The following ARHGEF12 variants were observed in gnomAD, a reference collection of about 807,000 sequenced individuals.
ARHGEF12 encodes the protein Rho guanine nucleotide exchange factor 12, also known as KMT2A/ARHGEF12 fusion protein.
ARHGEF12 carries 66 observed loss-of-function variants against 211.2 expected under a neutral mutation model. The observed-to-expected ratio is 0.31, with a 90% CI of 0.26 to 0.38. ARHGEF12 has a LOEUF of 0.38. Ranked by LOEUF, ARHGEF12 falls within the 10% of genes least tolerant of loss-of-function variation. The pLI, the probability that ARHGEF12 is intolerant of heterozygous loss-of-function variation, is 1.00. For synonymous variants in ARHGEF12, 592 were observed against 638.4 expected (o/e 0.93, Z 1.09); for missense variants, 1,429 against 1,869.5 (o/e 0.76, Z 4.34).
intron 1 of ARHGEF12, among the ~76,000 whole-genome samples, chr11:120,376,163 C>CT (rs1362040499): frequency 6.6e-6 from 1 of 152,040 alleles, no homozygotes; most frequent in Non-Finnish European, 1.5e-5. Context: ...CTGGTAATTG[C>CT]TTGGGCTTTA....
chr11:120,440,761 T>C (rs972517140), intron 13 of ARHGEF12, among the ~76,000 whole-genome samples: 2 of 152,204 alleles, frequency 1.3e-5, no homozygotes, highest in South Asian at 2.1e-4. Context: ...CAAGACATGC[T>C]TGCCTTATTC....
intron 1 of ARHGEF12, chr11:120,365,902 C>G (rs1195041403): frequency 6.6e-6 from 1 of 152,152 alleles, no homozygotes; most frequent in Non-Finnish European, 1.5e-5. Context: ...AAAAAATAGA[C>G]AGGAAAATGA....
chr11:120,410,906 A>G (rs933356042), intron 4 of ARHGEF12: 5 of 152,136 alleles, frequency 3.3e-5, no homozygotes, highest in African/African-American at 4.8e-5. Context: ...GAACATGAAC[A>G]TTATCTTTAT....
intron 22 of ARHGEF12, 90 bp from the exon 23 acceptor site, chr11:120,457,028 G>A: frequency 8.0e-7 from 1 of 1,247,180 alleles, no homozygotes; most frequent in Non-Finnish European, 1.1e-6. Flanking sequence ...TATGGATTAG[G>A]CTGAAGCTGT....
chr11:120,366,781 G>A (rs532750378), intron 1 of ARHGEF12, among the ~76,000 whole-genome samples: 9 of 152,284 alleles, frequency 5.9e-5, no homozygotes, highest in African/African-American at 1.9e-4. Context: ...TTGAGAGGCC[G>A]AGGTGGGCGG....
At chr11:120,481,201 T>C in intron 38 of ARHGEF12, 59 bp from the exon 39 acceptor site, 2 of 1,485,286 alleles carry the variant, frequency 1.3e-6, no homozygotes, top group South Asian at 2.3e-5. Flanking sequence ...CACACTATGC[T>C]ATTTCTGTTT....
At position 120,480,410 on chromosome 11, in the gene ARHGEF12, A is replaced by G. The variant is rs1303607844; in HGVS notation, c.4217A>G (p.Asp1406Gly). 1.9e-6 allele frequency: 3 copies of G among 1,609,036 alleles called. No individual in the cohort carries two copies. Among genetic ancestry groups the G allele is most frequent in the Non-Finnish European group, 2.5e-6 (3 of 1,176,934 alleles). ...GGAGCAGTTAACAAGGAAGAGAAGGATGTTAATTTACGCATCTCAGGCAAG... is the reference window on the plus strand; with the variant it reads ...GGAGCAGTTAACAAGGAAGAGAAGGGTGTTAATTTACGCATCTCAGGCAAG... ...GDGAVNKEEKDVNLRISGNYL... is the reference protein window; with the variant it reads ...GDGAVNKEEKGVNLRISGNYL... Residue 1406 changes from aspartate (D) to glycine (G), a missense_variant, in exon 38 of 41, where the codon GAT becomes GGT. Around this residue, in one of 7 missense-constraint regions of ARHGEF12, gnomAD observed 467 missense variants for 468.4 expected, o/e 1.00. Transcript: ENST00000397843.
At chr11:120,370,808 A>G (rs1943568315) in intron 1 of ARHGEF12, among the ~76,000 whole-genome samples, 1 of 149,056 alleles carries the variant, frequency 6.7e-6, no homozygotes, top group Non-Finnish European at 1.5e-5. Flanking sequence ...CTTCCTTCCC[A>G]TCCCCCATTC....
intron 20 of ARHGEF12, 154 bp from the exon 21 acceptor site, chr11:120,448,955 A>G: frequency 1.6e-6 from 1 of 611,160 alleles, no homozygotes; most frequent in Non-Finnish European, 2.9e-6. Flanking sequence ...CTGTGTGCGA[A>G]CTTTTAATTA....
At chr11:120,343,528 CTT>C (rs1365285257) in intron 1 of ARHGEF12, among the ~76,000 whole-genome samples, 1 of 152,170 alleles carries the variant, frequency 6.6e-6, no homozygotes, top group East Asian at 1.9e-4. Context: ...AATACACTAA[CTT>C]TACCTCTTGA....
chr11:120,466,006 A>G (rs1946697358), intron 28 of ARHGEF12, among the ~76,000 whole-genome samples: 3 of 152,252 alleles, frequency 2.0e-5, no homozygotes, highest in Admixed American at 2.0e-4. Context: ...TCATTGGGGT[A>G]TATGAATTAA....
At chr11:120,337,462 A>G (rs1942386467) in intron 1 of ARHGEF12, 187 bp downstream of exon 1, 2 of 985,088 alleles carry the variant, frequency 2.0e-6, no homozygotes, top group Non-Finnish European at 2.4e-6. Flanking sequence ...TGGAAATGTA[A>G]TTTTTCCGGA....
chr11:120,429,171 A>G (rs182556592), intron 8 of ARHGEF12, among the ~76,000 whole-genome samples: 1 of 152,318 alleles, frequency 6.6e-6, no homozygotes, highest in East Asian at 1.9e-4. Flanking sequence ...CTATTCTTAT[A>G]CTAAGACAAC....
intron 1 of ARHGEF12, among the ~76,000 whole-genome samples, chr11:120,385,828 G>A (rs1944014074): frequency 6.6e-6 from 1 of 152,058 alleles, no homozygotes; most frequent in African/African-American, 2.4e-5. Context: ...GAACTGAATT[G>A]GCATAACCTC....
intron 34 of ARHGEF12, 93 bp from the exon 35 acceptor site, chr11:120,477,126 T>C: frequency 1.2e-6 from 1 of 836,892 alleles, no homozygotes; most frequent in Non-Finnish European, 1.9e-6. Context: ...TGTTGGTTGA[T>C]TTGGTTTTTG....
At chr11:120,350,360 G>GA (rs1942897382) in intron 1 of ARHGEF12, among the ~76,000 whole-genome samples, 1 of 151,828 alleles carries the variant, frequency 6.6e-6, no homozygotes, top group African/African-American at 2.4e-5. Context: ...CTAAAAATAC[G>GA]AAAAATTAGC....
chr11:120,473,468 T>A (rs1946935414), intron 31 of ARHGEF12, among the ~76,000 whole-genome samples: 1 of 152,162 alleles, frequency 6.6e-6, no homozygotes, highest in South Asian at 2.1e-4. Flanking sequence ...AGTGGTGCAG[T>A]CTTGGCTCAC....
At chr11:120,337,389 G>T in intron 1 of ARHGEF12, 114 bp downstream of exon 1, 11 of 1,563,930 alleles carry the variant, frequency 7.0e-6, no homozygotes, top group Non-Finnish European at 8.7e-6. Flanking sequence ...GAGGAAAGAG[G>T]GTTGTTTCGG....
intron 37 of ARHGEF12, among the ~76,000 whole-genome samples, chr11:120,479,018 CT>C (rs1244269023): frequency 1.3e-5 from 2 of 152,122 alleles, no homozygotes; most frequent in East Asian, 1.9e-4. Flanking sequence ...ATTGTACTTT[CT>C]TTTTTCTTTC....
Sources: gnomAD v4.1 joint callset for allele counts (sites outside exome capture counted in the v4.1 genomes callset) on GRCh38, gnomAD v4.1.1 for gene constraint, gnomAD v4.1.1 regional missense constraint, MANE v1.5 for transcripts, NCBI Gene and HGNC (gene_info 2026-07-23, HGNC 2026-07-21) for gene names.